ARMH4: variants seen among roughly 807,000 people sequenced by gnomAD.
ARMH4 encodes the protein armadillo like helical domain containing 4, also known as armadillo-like helical domain-containing protein 4.
Under a neutral mutation model 61.9 loss-of-function variants are expected in ARMH4, and 49 were observed. The observed-to-expected ratio is 0.79, with a 90% CI of 0.63 to 1.00. ARMH4 has a LOEUF of 1.00. ARMH4 is among the 50% of genes least tolerant of loss of function. The pLI is 0.00. For synonymous variants in ARMH4, 368 were observed against 341.5 expected (o/e 1.08, Z -0.85); for missense variants, 934 against 930.0 (o/e 1.00, Z -0.06).
intron 5 of ARMH4, among the ~76,000 whole-genome samples, chr14:58,052,471 T>C (rs186477977): frequency 6.6e-6 from 1 of 152,290 alleles, no homozygotes; most frequent in East Asian, 1.9e-4. Flanking sequence ...GAGCTTTTTA[T>C]TTTCCGAGCT....
At chr14:58,151,730 A>G (rs1384457297) in intron 1 of ARMH4, among the ~76,000 whole-genome samples, 1 of 152,214 alleles carries the variant, frequency 6.6e-6, no homozygotes, top group East Asian at 1.9e-4. Context: ...AGAGAAAGAA[A>G]AGCCCACACA....
intron 3 of ARMH4, 92 bp downstream of exon 3, chr14:58,132,998 G>C: frequency 7.1e-7 from 1 of 1,410,284 alleles, no homozygotes; most frequent in Non-Finnish European, 9.9e-7. Context: ...CGCGCTGATG[G>C]CAATGTCGGC....
At chr14:58,061,016 A>G (rs539505042) in intron 5 of ARMH4, among the ~76,000 whole-genome samples, 30 of 152,188 alleles carry the variant, frequency 2.0e-4, no homozygotes, top group Non-Finnish European at 4.0e-4. Context: ...AGCCTGCATC[A>G]ATAGCCCTGC....
intron 5 of ARMH4, among the ~76,000 whole-genome samples, chr14:58,062,793 A>G (rs539907157): frequency 1.2e-4 from 19 of 152,242 alleles, no homozygotes; most frequent in Non-Finnish European, 2.4e-4. Context: ...GCAGACAATA[A>G]GGCTCCATAA....
chr14:58,038,552 TA>T lies in ARMH4; in HGVS notation c.2090-26403del, dbSNP rs71448937. 2.8e-4 allele frequency among the ~76,000 whole-genome samples: 38 copies of T among 136,978 alleles called. 1 individual carries two copies. Among genetic ancestry groups the T allele is most frequent in the Middle Eastern group, 3.8e-3 (1 of 260 alleles). 89.9% of individuals were successfully genotyped at this position (136,978 alleles called of 152,430 possible). On this transcript the variant is annotated intron_variant, in intron 5 of 7. Coordinates refer to ENST00000267485, the MANE Select transcript of ARMH4 (RefSeq NM_001001872.4). ...ATGTACCCTAAAATTTAAAGTATAA[TA>T]AAAAAAAATTAAAAAAAAAAAAAGA... is the stretch of plus-strand genomic sequence containing the variant.
intron 4 of ARMH4, among the ~76,000 whole-genome samples, chr14:58,098,271 AT>A (rs1453763707): frequency 6.6e-6 from 1 of 151,844 alleles, no homozygotes; most frequent in Non-Finnish European, 1.5e-5. Flanking sequence ...TTTTATTCTT[AT>A]ATGTCCTTTA....
At chr14:58,100,780 T>A (rs538358236) in intron 4 of ARMH4, among the ~76,000 whole-genome samples, 1 of 152,050 alleles carries the variant, frequency 6.6e-6, no homozygotes, top group East Asian at 1.9e-4. Flanking sequence ...AAGACCAAGA[T>A]CACAGCTTCA....
In ARMH4 at chr14:58,138,325, G is replaced by A. The variant is rs61741199; in HGVS notation, c.1034C>T (p.Thr345Ile). 93,733 of 1,614,130 alleles carry A rather than the reference G, an allele frequency of 0.058. 3,352 individuals carry two copies. Among genetic ancestry groups the A allele is most frequent in the Middle Eastern group, 0.13 (773 of 6,062 alleles). Residue 345 changes from threonine to isoleucine, a missense_variant, in exon 2 of 8, where the codon ACA (threonine) becomes ATA (isoleucine). Thr to Ile is a moderately conservative substitution (Grantham distance 89). Transcript: ENST00000267485. ...ETQVRTEMSQTAQVSHEGMEG... is the reference protein window; with the variant it reads ...ETQVRTEMSQIAQVSHEGMEG... ...CATACCCTCATGGCTTACTTGTGCT[G>A]TCTGAGACATCTCCGTTCTCACCTG...
chr14:58,066,872 A>C (rs1028598264), intron 5 of ARMH4, among the ~76,000 whole-genome samples: 2 of 152,234 alleles, frequency 1.3e-5, no homozygotes, highest in African/African-American at 2.4e-5. Flanking sequence ...CATTTGTATC[A>C]GACTCAAAGG....
intron 4 of ARMH4, among the ~76,000 whole-genome samples, chr14:58,098,878 C>A (rs765101790): frequency 1.3e-5 from 2 of 151,446 alleles, no homozygotes; most frequent in African/African-American, 2.4e-5. Flanking sequence ...GGGTGGAGAA[C>A]AGGCTATATC....
At chr14:58,057,253 T>C (rs1884374874) in intron 5 of ARMH4, among the ~76,000 whole-genome samples, 1 of 152,240 alleles carries the variant, frequency 6.6e-6, no homozygotes, top group Admixed American at 6.5e-5. Flanking sequence ...AAATAAGAAG[T>C]ACCTGTTTGC....
In ARMH4 at chr14:58,010,612, T is replaced by G. The variant is rs1882372786; in HGVS notation, c.2121+1507A>C. On this transcript the variant is annotated intron_variant, in intron 6 of 7. Coordinates refer to ENST00000267485, the MANE Select transcript of ARMH4 (RefSeq NM_001001872.4). ...TCAAAATAAGCCAGAAAACTAGCGG[T>G]CACATACAAAATTATTTCTCTTGAT... Among the ~76,000 whole-genome samples, 3 of 151,944 alleles carry G rather than the reference T, an allele frequency of 2.0e-5. No individual in the cohort carries two copies. In the South Asian group the frequency reaches 6.2e-4, roughly 32 times the overall value.
chr14:58,131,783 GT>G, intron 3 of ARMH4, 62 bp from the exon 4 acceptor site: 1 of 1,491,150 alleles, frequency 6.7e-7, no homozygotes, highest in Non-Finnish European at 9.3e-7. Context: ...ATGTAAGCAT[GT>G]GCTTTCACTT....
intron 5 of ARMH4, among the ~76,000 whole-genome samples, chr14:58,028,029 C>T (rs1316980707): frequency 1.3e-5 from 2 of 152,084 alleles, no homozygotes; most frequent in Non-Finnish European, 2.9e-5. Flanking sequence ...TTTTTAATCC[C>T]TTAAGCAAGC....
rs189012561 is a variant in ARMH4 at position 58,064,420 on chromosome 14, G to A, written c.2089+32304C>T. Among the ~76,000 whole-genome samples the A allele has an allele frequency of 1.2e-3, 187 of 152,268 alleles. 2 individuals are homozygous for A. The highest frequency in any genetic ancestry group is 4.7e-4 in the Non-Finnish European group (32 of 68,020). On this transcript the variant is annotated intron_variant, in intron 5 of 7. Transcript: ENST00000267485. ...AGGCAAAAAATGGCAACTCTCAGAGGAGGCAGAAGACGACATTATCAAGGA... is the reference window on the plus strand; with the variant it reads ...AGGCAAAAAATGGCAACTCTCAGAGAAGGCAGAAGACGACATTATCAAGGA...
At chr14:58,026,151 G>C (rs1445477740) in intron 5 of ARMH4, among the ~76,000 whole-genome samples, 1 of 152,060 alleles carries the variant, frequency 6.6e-6, no homozygotes, top group Non-Finnish European at 1.5e-5. Context: ...CTCTTGTGAT[G>C]AGAAGGCTGT....
At chr14:58,104,178 C>T (rs1213266937) in intron 4 of ARMH4, among the ~76,000 whole-genome samples, 2 of 152,188 alleles carry the variant, frequency 1.3e-5, no homozygotes, top group Non-Finnish European at 2.9e-5. Flanking sequence ...AAATGTCCAA[C>T]ATGAGATGCC....
At chr14:58,125,458 G>C (rs558605185) in intron 4 of ARMH4, among the ~76,000 whole-genome samples, 27 of 152,306 alleles carry the variant, frequency 1.8e-4, no homozygotes, top group African/African-American at 6.3e-4. Context: ...AAACTATCAA[G>C]CAGATAGTCA....
Position 58,058,845 on chromosome 14 carries a change from C to T in ARMH4, c.2089+37879G>A, listed in dbSNP as rs568669338. 2.8e-4 allele frequency among the ~76,000 whole-genome samples: 43 copies of T among 152,276 alleles called. No individual in the cohort carries two copies. In the Middle Eastern group the frequency reaches 0.017, roughly 60 times the overall value. On this transcript the variant is annotated intron_variant, in intron 5 of 7. Transcript: ENST00000267485. The stretch of plus-strand genomic sequence containing the variant: ...CAGACACAGAACCCACGGATACAGA[C>T]GGCCCACTGGACTAATAATTGCCCC...
Sources: gnomAD v4.1 joint callset for allele counts (sites outside exome capture counted in the v4.1 genomes callset) on GRCh38, gnomAD v4.1.1 for gene constraint, MANE v1.5 for transcripts, NCBI Gene and HGNC (gene_info 2026-07-23, HGNC 2026-07-21) for gene names.